The following CABLES1 variants were observed in gnomAD, a reference collection of about 807,000 sequenced individuals.
CABLES1 encodes CDK5 and ABL1 enzyme substrate 1.
CABLES1 carries 36 observed loss-of-function variants against 57.8 expected under a neutral mutation model. The ratio of observed to expected loss-of-function variants is 0.62; its 90% CI spans 0.48 to 0.82. The LOEUF is 0.82. Ranked by LOEUF, CABLES1 falls within the 40% of genes least tolerant of loss-of-function variation. CABLES1 has a pLI of 0.00. For synonymous variants in CABLES1, 374 were observed against 363.0 expected (o/e 1.03, Z -0.35); for missense variants, 767 against 836.6 (o/e 0.92, Z 1.03).
At chr18:23,166,223 C>T (rs1272023104) in intron 1 of CABLES1, among the ~76,000 whole-genome samples, 8 of 148,382 alleles carry the variant, frequency 5.4e-5, no homozygotes, top group African/African-American at 2.0e-4. Context: ...TTTTTTGAGA[C>T]AGAGTTTCAC....
chr18:23,255,553 A>G (rs1373955135), intron 9 of CABLES1, among the ~76,000 whole-genome samples: 2 of 149,176 alleles, frequency 1.3e-5, no homozygotes, highest in Non-Finnish European at 3.0e-5. Flanking sequence ...CTGCTGAACT[A>G]ATGATTTTTT....
rs772638010 is a variant in CABLES1 at position 23,258,639 on chromosome 18, T to C, written c.*1272T>C. ...GCCATGTAAAAAGAGAATTAAACTC[T>C]TGTTGCTTTTTGTATACCTGTATGC... is the stretch of plus-strand genomic sequence containing the variant. On this transcript the variant is annotated 3_prime_UTR_variant, in exon 10 of 10. Transcript: ENST00000256925. 2.6e-5 allele frequency: 4 copies of C among 152,244 alleles called. No individual in the cohort carries two copies. The highest frequency in any genetic ancestry group is 4.8e-5 in the African/African-American group (2 of 41,436). The allele number at this position is 152,244 out of a possible 1,614,324, so 9.4% of individuals were successfully genotyped here. A position where few individuals can be genotyped will look rare whatever the true frequency, so the allele number is the denominator to read the frequency against.
At chr18:23,242,583 G>A (rs1260463913) in intron 7 of CABLES1, among the ~76,000 whole-genome samples, 2 of 152,180 alleles carry the variant, frequency 1.3e-5, no homozygotes, top group African/African-American at 2.4e-5. Context: ...GCAATTAAGA[G>A]GAGAAAGTAA....
intron 7 of CABLES1, among the ~76,000 whole-genome samples, chr18:23,243,502 G>A (rs1449742211): frequency 1.3e-5 from 1 of 78,664 alleles, no homozygotes; most frequent in Non-Finnish European, 2.5e-5. Context: ...TCTTTTTGTT[G>A]TTGTTAACAG....
intron 3 of CABLES1, among the ~76,000 whole-genome samples, chr18:23,205,518 A>C (rs184421864): frequency 7.2e-5 from 11 of 152,104 alleles, no homozygotes; most frequent in African/African-American, 2.4e-4. Context: ...CTGTGACACC[A>C]AACTCTTCTT....
chr18:23,173,266 C>T (rs985041209), intron 1 of CABLES1, among the ~76,000 whole-genome samples: 3 of 152,220 alleles, frequency 2.0e-5, no homozygotes, highest in African/African-American at 7.2e-5. Context: ...GCCTTCAAGC[C>T]TAACCTGCTG....
At chr18:23,139,712 A>G (rs2144946458) in intron 1 of CABLES1, among the ~76,000 whole-genome samples, 1 of 152,318 alleles carries the variant, frequency 6.6e-6, no homozygotes, top group East Asian at 1.9e-4. Context: ...ACATAGGCTC[A>G]GAGAGGTTGA....
chr18:23,193,497 A>G (rs190123333), intron 2 of CABLES1, among the ~76,000 whole-genome samples: 10 of 152,150 alleles, frequency 6.6e-5, no homozygotes, highest in Non-Finnish European at 1.5e-4. Flanking sequence ...CCAGCCCAGA[A>G]TCTTTCTTTA....
intron 1 of CABLES1, among the ~76,000 whole-genome samples, chr18:23,159,145 A>G (rs1006823706): frequency 1.3e-5 from 2 of 152,234 alleles, no homozygotes; most frequent in East Asian, 3.9e-4. Context: ...TTGTATTTCT[A>G]GTAGAGAAAG....
chr18:23,139,050 T>G (rs1421880200), intron 1 of CABLES1, among the ~76,000 whole-genome samples: 1 of 152,068 alleles, frequency 6.6e-6, no homozygotes, highest in African/African-American at 2.4e-5. Flanking sequence ...AATCTGCCCT[T>G]TAAAAAAAAT....
intron 4 of CABLES1, among the ~76,000 whole-genome samples, chr18:23,217,895 G>C (rs2047453851): frequency 6.6e-6 from 1 of 152,226 alleles, no homozygotes; most frequent in Admixed American, 6.5e-5. Context: ...GTGGGGCGAA[G>C]CTCACCCACA....
chr18:23,239,623 G>A (rs954841240), intron 7 of CABLES1, among the ~76,000 whole-genome samples: 1 of 152,210 alleles, frequency 6.6e-6, no homozygotes, highest in Non-Finnish European at 1.5e-5. Flanking sequence ...ATTTTTGTGT[G>A]TTGGGGAACA....
intron 7 of CABLES1, among the ~76,000 whole-genome samples, chr18:23,243,470 T>G (rs1195104605): frequency 1.5e-5 from 2 of 134,168 alleles, no homozygotes; most frequent in Non-Finnish European, 3.3e-5. Flanking sequence ...GGTTTGGTGT[T>G]TTTTTTTTTT....
intron 1 of CABLES1, chr18:23,156,013 C>T: frequency 2.5e-6 from 4 of 1,578,126 alleles, no homozygotes; most frequent in Middle Eastern, 3.5e-4. Flanking sequence ...TTTGGCTCCC[C>T]CCTTTGGATG....
chr18:23,242,785 A>AT (rs1198641714), intron 7 of CABLES1, among the ~76,000 whole-genome samples: 1 of 152,164 alleles, frequency 6.6e-6, no homozygotes, highest in Non-Finnish European at 1.5e-5. Flanking sequence ...TAAAATGCCT[A>AT]TTTTTTATTT....
intron 1 of CABLES1, among the ~76,000 whole-genome samples, chr18:23,179,852 CTTTT>C: frequency 6.6e-6 from 1 of 152,302 alleles, no homozygotes; most frequent in Non-Finnish European, 1.5e-5. Context: ...TAGCAGCTGA[CTTTT>C]TTTTCTTCAT....
At chr18:23,236,405 A>G (rs2047613450) in intron 6 of CABLES1, among the ~76,000 whole-genome samples, 1 of 152,112 alleles carries the variant, frequency 6.6e-6, no homozygotes, top group African/African-American at 2.4e-5. Context: ...GACTTTAAAA[A>G]AAAAAATCTG....
At position 23,257,519 on chromosome 18, in the gene CABLES1, C is replaced by A; in HGVS notation, c.*152C>A. On this transcript the variant is annotated 3_prime_UTR_variant, in exon 10 of 10. Coordinates refer to ENST00000256925, the MANE Select transcript of CABLES1 (RefSeq NM_001100619.3). ...GGGAGAAGCAGTACTAGAAACTTTCCAAGGAGTCTTGGGTGTGTAGCCAAG... is the reference window on the plus strand; with the variant it reads ...GGGAGAAGCAGTACTAGAAACTTTCAAAGGAGTCTTGGGTGTGTAGCCAAG... 1.2e-6 allele frequency: 1 copy of A among 849,448 alleles called. No individual in the cohort carries two copies. The highest frequency in any genetic ancestry group is 1.7e-6 in the Non-Finnish European group (1 of 580,698). 52.6% of individuals were successfully genotyped at this position (849,448 alleles called of 1,614,324 possible).
chr18:23,177,120 T>C (rs566771600), intron 1 of CABLES1, among the ~76,000 whole-genome samples: 1 of 152,036 alleles, frequency 6.6e-6, no homozygotes, highest in African/African-American at 2.4e-5. Flanking sequence ...GAAGGAAAAA[T>C]AAATGCGTAT....
Sources: gnomAD v4.1 joint callset for allele counts (sites outside exome capture counted in the v4.1 genomes callset) on GRCh38, gnomAD v4.1.1 for gene constraint, MANE v1.5 for transcripts, NCBI Gene and HGNC (gene_info 2026-07-23, HGNC 2026-07-21) for gene names.